SEPTIN2: variants seen among roughly 807,000 people sequenced by gnomAD.
The protein encoded by SEPTIN2 is septin 2, also known as septin-2.
In SEPTIN2, 34 loss-of-function variants were observed where a neutral mutation model predicts 46.5. The observed-to-expected ratio is 0.73, with a 90% confidence interval of 0.56 to 0.97. SEPTIN2 has a LOEUF of 0.97. Ranked by LOEUF, SEPTIN2 falls within the 50% of genes least tolerant of loss-of-function variation. The pLI is 0.00. For missense variants in SEPTIN2, 347 were observed against 448.4 expected (o/e 0.77, Z 2.04); for synonymous variants, 175 against 153.4 (o/e 1.14, Z -1.04).
intron 1 of SEPTIN2, chr2:241,316,942 C>G (rs188965444): frequency 1.6e-3 from 261 of 165,388 alleles, no homozygotes; most frequent in Middle Eastern, 2.7e-3. Context: ...ACCTGATGTT[C>G]CAGATGGTAT....
Position 241,337,934 on chromosome 2 carries a change from T to A in SEPTIN2, c.594+144T>A, listed in dbSNP as rs189152615. On this transcript the variant is annotated intron_variant, in intron 7 of 12. Transcript: ENST00000391971. The stretch of plus-strand genomic sequence containing the variant: ...TTTTCCTGCATTTTAGTGGTGGTTT[T>A]CAAGGAGAACCTGATGGTTACAAAT... 3.1e-3 allele frequency: 1,732 copies of A among 558,654 alleles called. 28 individuals are homozygous for A. The highest frequency in any genetic ancestry group is 9.4e-4 in the East Asian group (31 of 33,066). 34.6% of individuals were successfully genotyped at this position (558,654 alleles called of 1,614,324 possible).
At chr2:241,335,103 A>C in intron 3 of SEPTIN2, 23 bp from the exon 4 acceptor site, 2 of 1,553,232 alleles carry the variant, frequency 1.3e-6, no homozygotes, top group Non-Finnish European at 1.8e-6. Flanking sequence ...AGGTCATGAC[A>C]AGGTTTTTCT....
At chr2:241,350,954 G>C (rs1575419069) in intron 12 of SEPTIN2, among the ~76,000 whole-genome samples, 2 of 152,208 alleles carry the variant, frequency 1.3e-5, no homozygotes, top group East Asian at 3.8e-4. Context: ...GTCCAAAGAA[G>C]AGGGTAGGTC....
upstream of SEPTIN2, chr2:241,315,587 G>A (rs2076047756): frequency 6.6e-6 from 1 of 152,218 alleles, no homozygotes; most frequent in Non-Finnish European, 1.5e-5. Context: ...ACTCTTATAA[G>A]CATAAGAAAA....
At chr2:241,331,680 C>T (rs1019393362) in intron 3 of SEPTIN2, among the ~76,000 whole-genome samples, 4 of 152,236 alleles carry the variant, frequency 2.6e-5, no homozygotes, top group Non-Finnish European at 5.9e-5. Context: ...TGGCATGAGC[C>T]ACAGCGTCCA....
chr2:241,342,953 A>G (rs1361290285), intron 7 of SEPTIN2, 39 bp from the exon 8 acceptor site: 2 of 1,095,838 alleles, frequency 1.8e-6, no homozygotes, highest in Admixed American at 1.8e-5. Flanking sequence ...TAACATACGC[A>G]GTTTGCTAAA....
At chr2:241,343,613 A>G (rs2081559326) in intron 8 of SEPTIN2, 139 bp from the exon 9 acceptor site, 9 of 890,856 alleles carry the variant, frequency 1.0e-5, no homozygotes, top group Non-Finnish European at 1.5e-5. Flanking sequence ...TTTTCAAGAA[A>G]ATGTTACATA....
At chr2:241,342,534 A>AT (rs548033372) in intron 7 of SEPTIN2, among the ~76,000 whole-genome samples, 9,295 of 87,048 alleles carry the variant, frequency 0.11, 857 homozygotes, top group South Asian at 0.14. Context: ...AGTTTTGTAA[A>AT]TTTTTTTTTT....
intron 1 of SEPTIN2, chr2:241,320,114 C>A (rs141497568): frequency 7.7e-5 from 32 of 414,572 alleles, no homozygotes; most frequent in Admixed American, 3.9e-4. Context: ...TTCATTCATT[C>A]CTTTGTTCCT....
chr2:241,338,690 A>G (rs1415141589), intron 7 of SEPTIN2, among the ~76,000 whole-genome samples: 1 of 115,998 alleles, frequency 8.6e-6, no homozygotes, highest in South Asian at 2.3e-4. Context: ...TACATATGTA[A>G]TATATATTAT....
At chr2:241,317,820 G>A (rs1407491235) in intron 1 of SEPTIN2, among the ~76,000 whole-genome samples, 1 of 152,102 alleles carries the variant, frequency 6.6e-6, no homozygotes, top group African/African-American at 2.4e-5. Flanking sequence ...TTTTTTATGT[G>A]TATTGGGGTT....
At chr2:241,324,503 T>C (rs2077629624) in intron 2 of SEPTIN2, 1 of 471,906 alleles carries the variant, frequency 2.1e-6, no homozygotes, top group Non-Finnish European at 4.0e-6. Context: ...TTCCCCTGGC[T>C]CAGCCTCCGG....
At chr2:241,343,727 GTC>G (rs2081583883) in intron 8 of SEPTIN2, 23 bp from the exon 9 acceptor site, 3 of 1,613,698 alleles carry the variant, frequency 1.9e-6, no homozygotes, top group African/African-American at 2.7e-5. Flanking sequence ...TGTGGAGCCT[GTC>G]TACTCTGTGT....
At chr2:241,318,226 T>C (rs1203471097) in intron 1 of SEPTIN2, 4 of 152,156 alleles carry the variant, frequency 2.6e-5, no homozygotes, top group African/African-American at 7.2e-5. Flanking sequence ...TTTTCCCATA[T>C]GTGTGCACAG....
rs2060933893 is a variant in SEPTIN2 at position 241,353,662 on chromosome 2, AG to A, written c.*1726del. ...AAGAAGTGGTGTTCCATGACTTCAG[AG>A]TACATCCATGCGGAGTCCATTATTT... On this transcript the variant is annotated 3_prime_UTR_variant, in exon 13 of 13. Transcript: ENST00000391971. 1 of 152,710 alleles carries A rather than the reference AG, an allele frequency of 6.5e-6. No homozygotes were observed. The highest frequency in any genetic ancestry group is 2.1e-4 in the South Asian group (1 of 4,832). 9.5% of individuals were successfully genotyped at this position (152,710 alleles called of 1,614,324 possible). A position where few individuals can be genotyped will look rare whatever the true frequency, so the allele number is the denominator to read the frequency against.
intron 1 of SEPTIN2, 196 bp downstream of exon 1, chr2:241,316,178 C>T (rs1189468358): frequency 1.1e-5 from 3 of 274,998 alleles, no homozygotes; most frequent in Admixed American, 5.4e-5. Flanking sequence ...CCGGGCGGTC[C>T]TAGTGCCGGC....
At chr2:241,325,527 A>G (rs2077818843) in intron 2 of SEPTIN2, among the ~76,000 whole-genome samples, 1 of 152,204 alleles carries the variant, frequency 6.6e-6, no homozygotes, top group Non-Finnish European at 1.5e-5. Flanking sequence ...GATACTTTTC[A>G]GAAATGCATT....
At chr2:241,348,832 G>C (rs567048083) in intron 11 of SEPTIN2, among the ~76,000 whole-genome samples, 10 of 152,286 alleles carry the variant, frequency 6.6e-5, no homozygotes, top group Non-Finnish European at 1.2e-4. Context: ...ATCTGCTGGA[G>C]TTTTGGAAGG....
chr2:241,337,898 G>A, intron 7 of SEPTIN2, 108 bp downstream of exon 7: 1 of 658,678 alleles, frequency 1.5e-6, no homozygotes, highest in South Asian at 2.6e-5. Context: ...CGGGAGGCAG[G>A]GCGGGAGAAT....
Sources: allele counts gnomAD v4.1 joint callset (sites outside exome capture counted in the v4.1 genomes callset), GRCh38; gene constraint gnomAD v4.1.1; transcripts MANE v1.5; gene names NCBI Gene and HGNC (gene_info 2026-07-23, HGNC 2026-07-21).